The following MCF2L variants were observed in gnomAD, a reference collection of about 807,000 sequenced individuals.
MCF2L encodes the protein MCF.2 cell line derived transforming sequence like, also known as guanine nucleotide exchange factor DBS.
Under a neutral mutation model 153.4 loss-of-function variants are expected in MCF2L, and 97 were observed. That is an observed-to-expected ratio of 0.63 (90% CI 0.54 to 0.75). The LOEUF (loss-of-function observed/expected upper bound fraction) is 0.75, where lower values mean the gene tolerates loss of function less well. Ranked by LOEUF, MCF2L falls within the 30% of genes least tolerant of loss-of-function variation. The probability of loss-of-function intolerance (pLI) is 0.00; values close to 1 mark genes in which losing one functional copy is unlikely to be tolerated. For synonymous variants in MCF2L, 659 were observed against 632.2 expected (o/e 1.04, Z -0.64); for missense variants, 1,347 against 1,495.2 (o/e 0.90, Z 1.64).
In MCF2L at chr13:113,096,356, C is replaced by A. The variant is rs1287063328; in HGVS notation, c.3076-15C>A. 6.5e-7 allele frequency: 1 copy of A among 1,544,662 alleles called. No homozygotes were observed. Among genetic ancestry groups the A allele is most frequent in the Admixed American group, 1.9e-5 (1 of 51,954 alleles). Reference sequence around the variant, plus strand: ...GGTGCTGACGCTGTCTGTGCCCCTGCCCGTCTCCCACCAGGTTCCAGGTAA... The same window carrying A: ...GGTGCTGACGCTGTCTGTGCCCCTGACCGTCTCCCACCAGGTTCCAGGTAA... On this transcript the variant is annotated splice_polypyrimidine_tract_variant and intron_variant, in intron 27 of 29. Transcript: ENST00000535094.
intron 1 of MCF2L, among the ~76,000 whole-genome samples, chr13:112,981,878 G>A (rs2082441645): frequency 1.3e-5 from 2 of 152,254 alleles, no homozygotes; most frequent in Non-Finnish European, 2.9e-5. Flanking sequence ...CCCTCGGCAG[G>A]AGCTCGGCAC....
In MCF2L at chr13:113,034,941, G is replaced by A. The variant is rs1019494499; in HGVS notation, c.278+10183G>A. 5.9e-5 allele frequency among the ~76,000 whole-genome samples: 9 copies of A among 152,332 alleles called. No homozygotes were observed. In the South Asian group the frequency reaches 8.3e-4, roughly 14 times the overall value. On this transcript the variant is annotated intron_variant, in intron 3 of 29. Transcript: ENST00000535094. ...GGTCTGCCCGAGGCAAGGCAGGCCC[G>A]CAGTCCCGGGCGGTGGCATCAGGGT...
At chr13:112,948,563 A>G (rs1487483962) in intron 2 of MCF2L, among the ~76,000 whole-genome samples, 1 of 152,252 alleles carries the variant, frequency 6.6e-6, no homozygotes, top group Non-Finnish European at 1.5e-5. Context: ...ATGAAAATAC[A>G]GCATATCAAA....
At chr13:112,950,744 C>T (rs1274880009) in intron 2 of MCF2L, among the ~76,000 whole-genome samples, 2 of 150,650 alleles carry the variant, frequency 1.3e-5, no homozygotes, top group South Asian at 2.1e-4. Flanking sequence ...CAATGAACTA[C>T]AAATTTAAAC....
At chr13:112,902,879 G>C (rs572772415) in intron 2 of MCF2L, among the ~76,000 whole-genome samples, 37 of 152,296 alleles carry the variant, frequency 2.4e-4, no homozygotes, top group Admixed American at 7.2e-4. Context: ...GGCAGGCCTG[G>C]GGTGTGAGTG....
chr13:113,095,471 G>GCC, intron 27 of MCF2L: 1 of 1,075,842 alleles, frequency 9.3e-7, no homozygotes, highest in Non-Finnish European at 1.1e-6. Flanking sequence ...GGGTGCACGG[G>GCC]GCCTGGGGAG....
Position 113,064,911 on chromosome 13 carries a change from C to T in MCF2L, c.607-25C>T, listed in dbSNP as rs1227492306. The T allele has an allele frequency of 6.2e-7, 1 of 1,603,858 alleles. No homozygotes were observed. Among genetic ancestry groups the T allele is most frequent in the Non-Finnish European group, 8.5e-7 (1 of 1,174,790 alleles). ...AGGTGGGTGCAGTGCACAAGGCATG[C>T]AATTGTGTTTTCTCTGTCCCCAAGG... On this transcript the variant is annotated intron_variant, in intron 6 of 29. Coordinates refer to ENST00000535094, the MANE Select transcript of MCF2L (RefSeq NM_001112732.3). The surrounding 1 kb of genome is among the most constrained non-coding windows in gnomAD (Gnocchi z 6.0).
chr13:113,059,805 A>G (rs1410525093), intron 4 of MCF2L, among the ~76,000 whole-genome samples: 1 of 152,246 alleles, frequency 6.6e-6, no homozygotes, highest in Non-Finnish European at 1.5e-5. Flanking sequence ...CCAGTTTCCA[A>G]ATAAATTCAT....
intron 4 of MCF2L, among the ~76,000 whole-genome samples, chr13:113,051,687 T>C (rs891691418): frequency 2.0e-4 from 31 of 152,222 alleles, no homozygotes; most frequent in African/African-American, 7.2e-4. Flanking sequence ...ATGTCAAGAG[T>C]ATCTGAAACT....
chr13:112,984,127 G>A (rs906017523), intron 1 of MCF2L, among the ~76,000 whole-genome samples: 4 of 152,218 alleles, frequency 2.6e-5, no homozygotes, highest in Admixed American at 1.3e-4. Context: ...CACCCTCGCC[G>A]GGTGCCGGAT....
At chr13:112,952,329 TC>T (rs1031361710) in intron 2 of MCF2L, among the ~76,000 whole-genome samples, 2 of 152,104 alleles carry the variant, frequency 1.3e-5, no homozygotes, top group Non-Finnish European at 2.9e-5. Context: ...CACCCCTCCC[TC>T]CAGCCAGGTG....
At chr13:113,092,987 G>A (rs1040699048) in intron 26 of MCF2L, among the ~76,000 whole-genome samples, 5 of 149,918 alleles carry the variant, frequency 3.3e-5, no homozygotes, top group African/African-American at 4.9e-5. Context: ...TCCTGCCCAC[G>A]CCACACCAGC....
Position 112,962,530 on chromosome 13 carries a change from C to A in MCF2L, c.170-52233C>A, listed in dbSNP as rs2993343. 3.3e-5 allele frequency among the ~76,000 whole-genome samples: 5 copies of A among 152,026 alleles called. No individual in the cohort carries two copies. In the South Asian group the frequency reaches 6.2e-4, roughly 19 times the overall value. On this transcript the variant is annotated intron_variant, in intron 2 of 29. Coordinates refer to the MCF2L transcript ENST00000375608. ...GTGGCCACATCCCTGGTGCCCAGGC[C>A]TGGTCCCTGGCCAGTGCAGCCTTCA...
At position 113,069,912 on chromosome 13, in the gene MCF2L, G is replaced by C. The variant is rs1241927265; in HGVS notation, c.882-147G>C. The C allele has an allele frequency of 2.1e-5, 11 of 532,874 alleles. No individual in the cohort carries two copies. In the East Asian group the frequency reaches 4.2e-4, roughly 20 times the overall value. The allele number at this position is 532,874 out of a possible 1,614,324, so 33.0% of individuals were successfully genotyped here. A position where few individuals can be genotyped will look rare whatever the true frequency, so the allele number is the denominator to read the frequency against. On this transcript the variant is annotated intron_variant, in intron 8 of 29. Coordinates refer to ENST00000535094, the MANE Select transcript of MCF2L (RefSeq NM_001112732.3). ...GAGTGCCCGCGCCCGCAGATCCCAGGTTTAGGTGCAGGGAGTGAGCGGAGG... is the reference window on the plus strand; with the variant it reads ...GAGTGCCCGCGCCCGCAGATCCCAGCTTTAGGTGCAGGGAGTGAGCGGAGG...
chr13:113,077,499 T>G (rs888862021), intron 13 of MCF2L, among the ~76,000 whole-genome samples: 7 of 152,192 alleles, frequency 4.6e-5, no homozygotes, highest in Non-Finnish European at 8.8e-5. Context: ...GGTTCAGTGG[T>G]CTCAGTGAAG....
chr13:112,944,325 T>C (rs2140681585), intron 2 of MCF2L, among the ~76,000 whole-genome samples: 1 of 152,082 alleles, frequency 6.6e-6, no homozygotes, highest in Non-Finnish European at 1.5e-5. Context: ...GGCCCCGTCA[T>C]GAGTGGGGTT....
At chr13:112,905,920 T>C (rs2081168198) in intron 2 of MCF2L, among the ~76,000 whole-genome samples, 1 of 152,198 alleles carries the variant, frequency 6.6e-6, no homozygotes, top group Non-Finnish European at 1.5e-5. Context: ...TGCCGCATCA[T>C]GCAAGTATTT....
chr13:112,897,306 C>G (rs189407956), intron 1 of MCF2L, among the ~76,000 whole-genome samples: 3 of 152,086 alleles, frequency 2.0e-5, no homozygotes, highest in African/African-American at 7.2e-5. Flanking sequence ...GGGCCACCAT[C>G]GTGAACGTGG....
intron 2 of MCF2L, among the ~76,000 whole-genome samples, chr13:112,930,647 C>G (rs1005504137): frequency 3.9e-5 from 6 of 152,128 alleles, no homozygotes; most frequent in African/African-American, 1.4e-4. Flanking sequence ...ATCTTAATAC[C>G]TGCAAATTTA....
Sources: gnomAD v4.1 joint callset for allele counts (sites outside exome capture counted in the v4.1 genomes callset) on GRCh38, gnomAD v4.1.1 for gene constraint, Gnocchi (gnomAD v3.1) non-coding constraint, MANE v1.5 for transcripts, NCBI Gene and HGNC (gene_info 2026-07-23, HGNC 2026-07-21) for gene names.